SORBS2: variants seen among roughly 807,000 people sequenced by gnomAD.
SORBS2 encodes the protein sorbin and SH3 domain containing 2.
Under a neutral mutation model 97.7 loss-of-function variants are expected in SORBS2, and 46 were observed. The observed-to-expected ratio is 0.47, with a 90% CI of 0.37 to 0.60. The LOEUF is 0.60. SORBS2 is among the 20% of genes least tolerant of loss of function. SORBS2 has a pLI of 0.00. For synonymous variants in SORBS2, 476 were observed against 473.4 expected, an observed-to-expected ratio of 1.01 and a Z score of -0.07; for missense variants, 1,316 against 1,282.3, an observed-to-expected ratio of 1.03 and a Z score of -0.40.
chr4:185,852,130 A>G (rs533251438), intron 1 of SORBS2, among the ~76,000 whole-genome samples: 2 of 152,208 alleles, frequency 1.3e-5, no homozygotes, highest in Non-Finnish European at 2.9e-5. Context: ...ACAAAAATCC[A>G]TGGAGTCAAC....
rs376149079 is a variant in SORBS2, at chr4:185,613,516, C to T, written c.2595+1315G>A. Reference sequence around the variant, plus strand: ...TACAAAAATTAGCCGGGTGTGGTGGCGGGCACCTGTAGTCCCAGCTAATCG... The same window carrying T: ...TACAAAAATTAGCCGGGTGTGGTGGTGGGCACCTGTAGTCCCAGCTAATCG... On this transcript the variant is annotated intron_variant, in intron 11 of 14. Transcript: ENST00000418609. Among the ~76,000 whole-genome samples, 11 of 151,528 alleles carry T rather than the reference C, an allele frequency of 7.3e-5. No homozygotes were observed. In the South Asian group the frequency reaches 1.0e-3, roughly 14 times the overall value.
At chr4:185,861,661 A>C (rs2099223858) in intron 1 of SORBS2, among the ~76,000 whole-genome samples, 1 of 150,244 alleles carries the variant, frequency 6.7e-6, no homozygotes, top group South Asian at 2.1e-4. Flanking sequence ...GCTGGAGTGC[A>C]GTGGTGCGAT....
chr4:185,625,947 T>C (rs1209461145), intron 6 of SORBS2, among the ~76,000 whole-genome samples: 1 of 152,244 alleles, frequency 6.6e-6, no homozygotes, highest in East Asian at 1.9e-4. Flanking sequence ...GCTCAATTTC[T>C]TTACACATTT....
chr4:185,671,697 A>T (rs569215391), intron 4 of SORBS2, among the ~76,000 whole-genome samples: 2 of 152,248 alleles, frequency 1.3e-5, no homozygotes, highest in African/African-American at 2.4e-5. Flanking sequence ...ACACTGTCAG[A>T]TAGAGGCGGA....
intron 1 of SORBS2, among the ~76,000 whole-genome samples, chr4:185,841,900 A>G (rs1264764230): frequency 1.3e-5 from 2 of 152,242 alleles, no homozygotes; most frequent in Admixed American, 1.3e-4. Flanking sequence ...ACTGATACCC[A>G]GGTTTCTGGC....
At chr4:185,680,230 A>C (rs983356791) in intron 2 of SORBS2, among the ~76,000 whole-genome samples, 6 of 152,194 alleles carry the variant, frequency 3.9e-5, no homozygotes, top group African/African-American at 1.4e-4. Flanking sequence ...GCTGTCCTTG[A>C]AATAGTGGGC....
chr4:185,851,766 C>G (rs534278758), intron 1 of SORBS2, among the ~76,000 whole-genome samples: 63 of 152,210 alleles, frequency 4.1e-4, no homozygotes, highest in African/African-American at 1.4e-3. Context: ...AGCCTCCCAG[C>G]CTTCATCTTT....
intron 1 of SORBS2, among the ~76,000 whole-genome samples, chr4:185,825,829 A>T (rs1195289653): frequency 6.6e-6 from 1 of 151,940 alleles, no homozygotes; most frequent in Non-Finnish European, 1.5e-5. Context: ...TGTTCTTTAC[A>T]TTGGGCCTAA....
intron 2 of SORBS2, among the ~76,000 whole-genome samples, chr4:185,682,777 G>C (rs1317658430): frequency 6.6e-6 from 1 of 152,068 alleles, no homozygotes; most frequent in Non-Finnish European, 1.5e-5. Context: ...TTCGGAGGCT[G>C]AGGCGGGCGG....
chr4:185,684,614 T>G lies in SORBS2; in HGVS notation c.-197-5792A>C. On this transcript the variant is annotated intron_variant, in intron 2 of 20. Transcript: ENST00000284776. This position sits in a 1 kb window ranked among gnomAD's most constrained non-coding sequence, Gnocchi z 4.2. ...AGTTACTCAACCTATTTTTGGCAAGTGACTGCTGTTTTTAATTACACATTT... is the reference window on the plus strand; with the variant it reads ...AGTTACTCAACCTATTTTTGGCAAGGGACTGCTGTTTTTAATTACACATTT... 4 of 622,258 alleles carry G rather than the reference T, an allele frequency of 6.4e-6. No homozygotes were observed. Among genetic ancestry groups the G allele is most frequent in the Non-Finnish European group, 1.1e-5 (4 of 358,636 alleles). The allele number at this position is 622,258 out of a possible 1,614,324, so 38.5% of individuals were successfully genotyped here.
intron 2 of SORBS2, among the ~76,000 whole-genome samples, chr4:185,719,884 C>T (rs1367618450): frequency 6.6e-6 from 1 of 152,250 alleles, no homozygotes; most frequent in African/African-American, 2.4e-5. Flanking sequence ...ACGGAAGTTT[C>T]AGCTGAACAC....
chr4:185,838,099 GTTGTTTATAATTTACAGCACC>G (rs894166823), intron 1 of SORBS2, among the ~76,000 whole-genome samples: 1 of 152,218 alleles, frequency 6.6e-6, no homozygotes, highest in Admixed American at 6.5e-5. Context: ...CTAAGTTTGT[GTTGTTTATAATTTACAGCACC>G]TGGTTGTAGC....
At chr4:185,914,744 G>A (rs886132371) in intron 1 of SORBS2, among the ~76,000 whole-genome samples, 1 of 152,196 alleles carries the variant, frequency 6.6e-6, no homozygotes, top group Non-Finnish European at 1.5e-5. Context: ...TGACCATCAG[G>A]CAGCTTTGTT....
intron 1 of SORBS2, among the ~76,000 whole-genome samples, chr4:185,796,355 T>C (rs1291277543): frequency 1.3e-5 from 2 of 152,240 alleles, no homozygotes; most frequent in Admixed American, 1.3e-4. Flanking sequence ...GCTTGCTCGA[T>C]TTTACTCACT....
Position 185,623,353 on chromosome 4 carries a change from T to C in SORBS2, c.1776A>G (p.Gln592=). The change falls in exon 7 of 15, where the codon CAA becomes CAG. Residue 592 remains glutamine (Q), a synonymous_variant. Coordinates refer to ENST00000418609, the Ensembl canonical transcript of SORBS2. The surrounding 1 kb of genome is among the most constrained non-coding windows in gnomAD (Gnocchi z 6.4). ...GTTTAGAAAGGCCAGGGTCCATTTC[T>C]TGCCTTCTGGGCTCCTCGGTGTTTT... The C allele has an allele frequency of 6.2e-7, 1 of 1,613,954 alleles. No individual in the cohort carries two copies. Among genetic ancestry groups the C allele is most frequent in the Non-Finnish European group, 8.5e-7 (1 of 1,180,034 alleles).
intron 2 of SORBS2, among the ~76,000 whole-genome samples, chr4:185,760,781 T>A (rs2098879913): frequency 6.6e-6 from 1 of 152,216 alleles, no homozygotes; most frequent in Admixed American, 6.5e-5. Flanking sequence ...TTCCTTCTCA[T>A]TAGTTGCATG....
At chr4:185,616,147 T>A (rs2096623027) in intron 9 of SORBS2, among the ~76,000 whole-genome samples, 1 of 152,262 alleles carries the variant, frequency 6.6e-6, no homozygotes, top group Admixed American at 6.5e-5. Context: ...TTGTTCAGAA[T>A]TTTCATTTTT....
At chr4:185,869,409 G>A (rs1028219696) in intron 1 of SORBS2, among the ~76,000 whole-genome samples, 1 of 152,078 alleles carries the variant, frequency 6.6e-6, no homozygotes, top group Non-Finnish European at 1.5e-5. Context: ...TTTCTGAAGG[G>A]CCCACTGTAT....
At chr4:185,813,601 G>T (rs538169696) in intron 1 of SORBS2, among the ~76,000 whole-genome samples, 2 of 152,146 alleles carry the variant, frequency 1.3e-5, no homozygotes, top group Admixed American at 1.3e-4. Flanking sequence ...CACTGCCCAC[G>T]TTTCAGAATC....
Sources: gnomAD v4.1 joint callset for allele counts (sites outside exome capture counted in the v4.1 genomes callset) on GRCh38, gnomAD v4.1.1 for gene constraint, Gnocchi (gnomAD v3.1) non-coding constraint, MANE v1.5 for transcripts, NCBI Gene and HGNC (gene_info 2026-07-23, HGNC 2026-07-21) for gene names.